Variants in UBE2K observed in about 807,000 individuals in gnomAD.
UBE2K encodes ubiquitin-conjugating enzyme E2 K.
In UBE2K, 6 loss-of-function variants were observed where a neutral mutation model predicts 30.0. That is an observed-to-expected ratio of 0.20 (90% CI 0.11 to 0.39). The LOEUF is 0.39. UBE2K is among the 10% of genes least tolerant of loss of function. The probability of loss-of-function intolerance (pLI) is 1.00; values close to 1 mark genes in which losing one functional copy is unlikely to be tolerated. For synonymous variants in UBE2K, 86 were observed against 83.7 expected (o/e 1.03, Z -0.15); for missense variants, 61 against 241.6 (o/e 0.25, Z 4.96).
chr4:39,711,181 G>A (rs200298611), intron 1 of UBE2K, among the ~76,000 whole-genome samples: 2 of 35,622 alleles, frequency 5.6e-5, no homozygotes, highest in East Asian at 7.8e-4. Flanking sequence ...TTTTTTTTTT[G>A]AGACGGAGTC....
At chr4:39,740,459 G>A (rs10015357) in intron 2 of UBE2K, among the ~76,000 whole-genome samples, 19,509 of 151,276 alleles carry the variant, frequency 0.13, 1,326 homozygotes, top group East Asian at 0.22. Context: ...GGAGAATGGC[G>A]TGAACCCCGG....
At chr4:39,698,470 G>A in intron 1 of UBE2K, 80 bp downstream of exon 1, 1 of 1,368,476 alleles carries the variant, frequency 7.3e-7, no homozygotes, top group South Asian at 1.2e-5. Context: ...GATATCCCCG[G>A]TAGTCCCTGG....
intron 4 of UBE2K, among the ~76,000 whole-genome samples, chr4:39,757,533 G>T (rs1264542780): frequency 6.6e-6 from 1 of 151,980 alleles, no homozygotes; most frequent in Admixed American, 6.6e-5. Context: ...CATCTCTTGG[G>T]ATCTGGTTTC....
chr4:39,749,168 A>G (rs565155071), intron 3 of UBE2K, among the ~76,000 whole-genome samples: 4 of 152,316 alleles, frequency 2.6e-5, no homozygotes, highest in Non-Finnish European at 5.9e-5. Context: ...TGTGTTTATT[A>G]TTATGCAATA....
intron 2 of UBE2K, among the ~76,000 whole-genome samples, chr4:39,739,188 C>T (rs563813166): frequency 5.7e-4 from 87 of 151,818 alleles, no homozygotes; most frequent in Non-Finnish European, 1.0e-3. Context: ...CCACCATGCC[C>T]GGCTAATTTT....
Position 39,780,573 on chromosome 4 carries a change from T to C in UBE2K, c.*2139T>C, listed in dbSNP as rs1241131122. 6.6e-6 allele frequency: 1 copy of C among 152,120 alleles called. No individual in the cohort carries two copies. The highest frequency in any genetic ancestry group is 2.4e-5 in the African/African-American group (1 of 41,452). 9.4% of individuals were successfully genotyped at this position (152,120 alleles called of 1,614,324 possible). A position where few individuals can be genotyped will look rare whatever the true frequency, so the allele number is the denominator to read the frequency against. ...GGGTTATATACTCATCTAACTACACTTCAGCATCCCCAGTGCCCAAGAAAT... is the reference window on the plus strand; with the variant it reads ...GGGTTATATACTCATCTAACTACACCTCAGCATCCCCAGTGCCCAAGAAAT... On this transcript the variant is annotated 3_prime_UTR_variant, in exon 7 of 7. Coordinates refer to ENST00000261427, the MANE Select transcript of UBE2K (RefSeq NM_005339.5).
At chr4:39,727,552 G>A (rs1317087903) in intron 1 of UBE2K, among the ~76,000 whole-genome samples, 2 of 151,754 alleles carry the variant, frequency 1.3e-5, no homozygotes, top group African/African-American at 4.8e-5. Context: ...GTAGAGACAG[G>A]GTTTCACCAT....
chr4:39,698,142 T>G lies in UBE2K; in HGVS notation c.-186T>G. 1.1e-5 allele frequency: 7 copies of G among 635,064 alleles called. No individual in the cohort carries two copies. The highest frequency in any genetic ancestry group is 5.6e-5 in the East Asian group (2 of 35,422). 39.3% of individuals were successfully genotyped at this position (635,064 alleles called of 1,614,324 possible). ...GCGCATGCGCCGACCCGGCGCCATTTTGGTGGCCGGGCGCGGAGGTGATTC... is the reference window on the plus strand; with the variant it reads ...GCGCATGCGCCGACCCGGCGCCATTGTGGTGGCCGGGCGCGGAGGTGATTC... On this transcript the variant is annotated 5_prime_UTR_variant, in exon 1 of 7. Coordinates refer to ENST00000261427, the MANE Select transcript of UBE2K (RefSeq NM_005339.5).
chr4:39,757,717 A>T (rs553412075), intron 4 of UBE2K, among the ~76,000 whole-genome samples: 1 of 152,334 alleles, frequency 6.6e-6, no homozygotes, highest in African/African-American at 2.4e-5. Context: ...GTTATCGCCA[A>T]GGCCTCTAAA....
At chr4:39,753,408 A>C (rs981032443) in intron 3 of UBE2K, among the ~76,000 whole-genome samples, 2 of 152,230 alleles carry the variant, frequency 1.3e-5, no homozygotes, top group African/African-American at 2.4e-5. Flanking sequence ...TGTCTTACTT[A>C]GCTTGCATTG....
At chr4:39,712,227 A>G in intron 1 of UBE2K, among the ~76,000 whole-genome samples, 1 of 101,666 alleles carries the variant, frequency 9.8e-6, no homozygotes, top group Non-Finnish European at 1.8e-5. Context: ...TTTGAGACCG[A>G]GTCTCGCTCT....
intron 3 of UBE2K, among the ~76,000 whole-genome samples, chr4:39,749,664 G>A (rs894713582): frequency 1.3e-5 from 2 of 151,702 alleles, no homozygotes; most frequent in Non-Finnish European, 2.9e-5. Flanking sequence ...GGACAAGAGA[G>A]TAAGACTCTG....
chr4:39,753,595 A>G (rs796528039), intron 3 of UBE2K, among the ~76,000 whole-genome samples: 25 of 152,300 alleles, frequency 1.6e-4, no homozygotes, highest in African/African-American at 6.0e-4. Flanking sequence ...TACTATGACA[A>G]AGGAAACTGC....
At chr4:39,755,604 T>G (rs1721485914) in intron 3 of UBE2K, 53 bp from the exon 4 acceptor site, 4 of 1,309,936 alleles carry the variant, frequency 3.1e-6, no homozygotes, top group Non-Finnish European at 4.4e-6. Context: ...GTAGTTCTAC[T>G]TAAACTGTTT....
At chr4:39,770,685 G>T in intron 4 of UBE2K, 1 of 1,576,784 alleles carries the variant, frequency 6.3e-7, no homozygotes, top group Non-Finnish European at 8.6e-7. Flanking sequence ...CACAGTGCTG[G>T]GGGGCACGCT....
chr4:39,708,365 A>C (rs1654847651), intron 1 of UBE2K, among the ~76,000 whole-genome samples: 2 of 152,042 alleles, frequency 1.3e-5, no homozygotes, highest in African/African-American at 4.8e-5. Context: ...TCATGATCTT[A>C]ACTTTCTTCA....
intron 1 of UBE2K, among the ~76,000 whole-genome samples, chr4:39,715,318 G>A (rs1718998196): frequency 6.6e-6 from 1 of 151,726 alleles, no homozygotes; most frequent in East Asian, 1.9e-4. Flanking sequence ...GTGAGCCACC[G>A]CGCCCGGCCA....
intron 4 of UBE2K, among the ~76,000 whole-genome samples, chr4:39,757,506 C>A (rs1711570978): frequency 6.6e-6 from 1 of 151,816 alleles, no homozygotes; most frequent in South Asian, 2.1e-4. Context: ...CTGAGTAAAT[C>A]CTGTCCCTCA....
At chr4:39,769,173 A>C in intron 4 of UBE2K, among the ~76,000 whole-genome samples, 1 of 148,310 alleles carries the variant, frequency 6.7e-6, no homozygotes, top group African/African-American at 2.5e-5. Flanking sequence ...CATCAGAATC[A>C]CCTGGAGGAC....
Sources: allele counts gnomAD v4.1 joint callset (sites outside exome capture counted in the v4.1 genomes callset), GRCh38; gene constraint gnomAD v4.1.1; transcripts MANE v1.5; gene names NCBI Gene and HGNC (gene_info 2026-07-23, HGNC 2026-07-21).